The following TESPA1 variants were observed in gnomAD, a reference collection of about 807,000 sequenced individuals.
TESPA1 encodes protein TESPA1.
TESPA1 carries 33 observed loss-of-function variants against 57.9 expected under a neutral mutation model. The ratio of observed to expected loss-of-function variants is 0.57; its 90% CI spans 0.43 to 0.76. The LOEUF (loss-of-function observed/expected upper bound fraction) is 0.76. TESPA1 is among the 30% of genes least tolerant of loss of function. The pLI is 0.00. For missense variants in TESPA1, 618 were observed against 632.9 expected, an observed-to-expected ratio of 0.98 and a Z score of 0.25; for synonymous variants, 227 against 228.9, an observed-to-expected ratio of 0.99 and a Z score of 0.07.
chr12:54,963,337 G>A, intron 8 of TESPA1, 95 bp from the exon 9 acceptor site: 1 of 1,237,284 alleles, frequency 8.1e-7, no homozygotes, highest in Non-Finnish European at 1.1e-6. Context: ...TCAAAATTCA[G>A]GGAGAAGCTT....
At chr12:54,965,554 G>A (rs965799854) in intron 7 of TESPA1, among the ~76,000 whole-genome samples, 9 of 152,158 alleles carry the variant, frequency 5.9e-5, no homozygotes, top group Admixed American at 1.3e-4. Context: ...CCTAGTATTC[G>A]TGTATATGAA....
chr12:54,982,063 A>G (rs1177773952), intron 1 of TESPA1: 1 of 152,258 alleles, frequency 6.6e-6, no homozygotes, highest in African/African-American at 2.4e-5. Flanking sequence ...CATCATTACC[A>G]TCGCAGAGCT....
At chr12:54,967,755 A>G (rs2136139732) in intron 4 of TESPA1, 88 bp downstream of exon 4, 2 of 1,458,594 alleles carry the variant, frequency 1.4e-6, no homozygotes, top group East Asian at 4.6e-5. Flanking sequence ...CTATGCATGT[A>G]TATGTGCATA....
chr12:54,971,984 A>G (rs958798819), intron 3 of TESPA1, among the ~76,000 whole-genome samples: 1 of 152,208 alleles, frequency 6.6e-6, no homozygotes, highest in Non-Finnish European at 1.5e-5. Context: ...GCACATACAC[A>G]TATATCATCT....
chr12:54,955,237 AATG>A (rs752743496), intron 10 of TESPA1, among the ~76,000 whole-genome samples: 1 of 152,246 alleles, frequency 6.6e-6, no homozygotes, highest in Non-Finnish European at 1.5e-5. Flanking sequence ...TCTTTCAATA[AATG>A]ATAATTCCAA....
intron 10 of TESPA1, among the ~76,000 whole-genome samples, chr12:54,953,721 CG>C (rs1386632565): frequency 6.6e-6 from 1 of 151,970 alleles, no homozygotes; most frequent in African/African-American, 2.4e-5. Context: ...GGGGTTTCAC[CG>C]TGTTAGCCAG....
chr12:54,955,932 C>A (rs556338111), intron 10 of TESPA1, among the ~76,000 whole-genome samples: 1 of 149,150 alleles, frequency 6.7e-6, no homozygotes, highest in East Asian at 2.3e-4. Context: ...TCTGACTGTC[C>A]CTCTTCAGAA....
At chr12:54,978,116 C>T (rs1433654152) in intron 1 of TESPA1, among the ~76,000 whole-genome samples, 1 of 151,804 alleles carries the variant, frequency 6.6e-6, no homozygotes, top group Non-Finnish European at 1.5e-5. Context: ...AGCGAGTGCA[C>T]ACAGATGTCA....
At chr12:54,972,655 CT>C (rs1178301596) in intron 3 of TESPA1, among the ~76,000 whole-genome samples, 1 of 152,156 alleles carries the variant, frequency 6.6e-6, no homozygotes. Context: ...AAAATAAATC[CT>C]TCCTGGCATT....
chr12:54,960,170 A>C (rs752667390), intron 10 of TESPA1, among the ~76,000 whole-genome samples: 56 of 152,240 alleles, frequency 3.7e-4, no homozygotes, highest in Non-Finnish European at 6.6e-4. Flanking sequence ...ATTTTAATTT[A>C]TACTATCTGG....
chr12:54,966,239 C>T (rs1840365477), intron 6 of TESPA1, 88 bp from the exon 7 acceptor site: 5 of 1,561,964 alleles, frequency 3.2e-6, no homozygotes, highest in East Asian at 2.3e-5. Context: ...TATTCACCCC[C>T]TGAACAGTAG....
intron 3 of TESPA1, among the ~76,000 whole-genome samples, chr12:54,969,163 C>T (rs1951665030): frequency 6.6e-6 from 1 of 150,708 alleles, no homozygotes; most frequent in Admixed American, 6.6e-5. Context: ...ATGAAAAATA[C>T]TACATCAAAG....
At chr12:54,961,976 G>T (rs1256870884) in intron 9 of TESPA1, among the ~76,000 whole-genome samples, 2 of 152,188 alleles carry the variant, frequency 1.3e-5, no homozygotes, top group Non-Finnish European at 2.9e-5. Context: ...GAGTGGTTCT[G>T]CTCACACTGT....
intron 7 of TESPA1, among the ~76,000 whole-genome samples, chr12:54,965,802 T>C (rs1951389915): frequency 6.6e-6 from 1 of 152,224 alleles, no homozygotes; most frequent in Non-Finnish European, 1.5e-5. Context: ...ACCAGTACTA[T>C]ACCTCCTGGG....
chr12:54,978,031 G>A (rs192974804), intron 1 of TESPA1, among the ~76,000 whole-genome samples: 2 of 150,022 alleles, frequency 1.3e-5, no homozygotes, highest in African/African-American at 4.9e-5. Context: ...TTTTTTTTCT[G>A]TGGAAATCTG....
At position 54,962,654 on chromosome 12, in the gene TESPA1, C is replaced by T. The variant is rs1322614145; in HGVS notation, c.1244G>A (p.Ser415Asn). Residue 415 changes from serine to asparagine, a missense_variant, in exon 9 of 11, where the codon AGT (serine) becomes AAT (asparagine). Around this residue, in one of 3 missense-constraint regions of TESPA1, gnomAD observed 409 missense variants for 420.1 expected, o/e 0.97. Transcript: ENST00000449076. ...GGTTTCCGTATTGGTGGCTGGTAGA[C>T]TACACAGCTCTCTCCTTATCTGAGC... ...DPAQIRRELC[S>N]LPATNTETHP... 1.2e-6 allele frequency: 2 copies of T among 1,613,956 alleles called. No individual in the cohort carries two copies. Among genetic ancestry groups the T allele is most frequent in the Non-Finnish European group, 1.7e-6 (2 of 1,179,892 alleles).
intron 2 of TESPA1, 184 bp from the exon 3 acceptor site, chr12:54,973,703 C>G: frequency 7.4e-7 from 1 of 1,344,220 alleles, no homozygotes; most frequent in Non-Finnish European, 9.6e-7. Context: ...GATATTTCTT[C>G]TCTCTCTCTG....
At chr12:54,975,434 G>A (rs547738205) in intron 1 of TESPA1, among the ~76,000 whole-genome samples, 31 of 152,174 alleles carry the variant, frequency 2.0e-4, no homozygotes, top group Non-Finnish European at 4.0e-4. Flanking sequence ...GATGGCACTA[G>A]ATACACATTC....
intron 3 of TESPA1, 113 bp downstream of exon 3, chr12:54,973,364 A>G: frequency 6.7e-7 from 1 of 1,489,270 alleles, no homozygotes; most frequent in Non-Finnish European, 9.3e-7. Context: ...CTTACTTCTA[A>G]TCTTTAGGCC....
Sources: gnomAD v4.1 joint callset for allele counts (sites outside exome capture counted in the v4.1 genomes callset) on GRCh38, gnomAD v4.1.1 for gene constraint, gnomAD v4.1.1 regional missense constraint, MANE v1.5 for transcripts, NCBI Gene and HGNC (gene_info 2026-07-23, HGNC 2026-07-21) for gene names.